Variants in TCF12 observed in about 807,000 individuals in gnomAD.
TCF12 encodes the protein transcription factor 12, also known as DNA-binding protein HTF4.
In TCF12, 45 loss-of-function variants were observed where a neutral mutation model predicts 86.0. The observed-to-expected ratio is 0.52, with a 90% CI of 0.41 to 0.67. The LOEUF is 0.67. Among genes scored for constraint, TCF12 ranks in the 30% least tolerant of loss-of-function variants. The pLI, the probability that TCF12 is intolerant of heterozygous loss-of-function variation, is 0.00. For synonymous variants in TCF12, 330 were observed against 299.6 expected (o/e 1.10, Z -1.05); for missense variants, 881 against 859.9 (o/e 1.02, Z -0.31).
chr15:57,084,112 C>A (rs1047876734), intron 4 of TCF12, among the ~76,000 whole-genome samples: 1 of 151,842 alleles, frequency 6.6e-6, no homozygotes, highest in Non-Finnish European at 1.5e-5. Flanking sequence ...TATATTGTAC[C>A]TTATGTTTGA....
intron 3 of TCF12, among the ~76,000 whole-genome samples, chr15:57,048,547 C>T (rs746034404): frequency 5.9e-5 from 9 of 152,116 alleles, no homozygotes; most frequent in Non-Finnish European, 1.0e-4. Flanking sequence ...AGGTGTGAGC[C>T]GCTGCACCCA....
At chr15:57,223,841 A>G (rs1027985178) in intron 8 of TCF12, among the ~76,000 whole-genome samples, 1 of 151,742 alleles carries the variant, frequency 6.6e-6, no homozygotes, top group Non-Finnish European at 1.5e-5. Flanking sequence ...AAGAATATAC[A>G]ATTAAATTAA....
At chr15:57,031,166 T>G (rs1034724532) in intron 3 of TCF12, among the ~76,000 whole-genome samples, 1 of 152,216 alleles carries the variant, frequency 6.6e-6, no homozygotes, top group Non-Finnish European at 1.5e-5. Flanking sequence ...TCTCTCTATA[T>G]TTTTCTGCCT....
At chr15:56,938,088 G>T (rs1230132039) in intron 3 of TCF12, among the ~76,000 whole-genome samples, 2 of 115,554 alleles carry the variant, frequency 1.7e-5, no homozygotes, top group African/African-American at 6.6e-5. Flanking sequence ...TTTTGTTACG[G>T]ATTTTTTGCA....
intron 3 of TCF12, among the ~76,000 whole-genome samples, chr15:57,023,351 C>T (rs1040591887): frequency 6.6e-6 from 1 of 152,058 alleles, no homozygotes; most frequent in African/African-American, 2.4e-5. Context: ...GTGGTATTTT[C>T]AGTTTTAAAA....
At chr15:57,282,251 C>G (rs1467459436) in intron 19 of TCF12, 194 bp from the exon 20 acceptor site, 2 of 631,970 alleles carry the variant, frequency 3.2e-6, no homozygotes, top group African/African-American at 3.7e-5. Context: ...GAAGAAAACA[C>G]AAGATGGTCA....
intron 3 of TCF12, among the ~76,000 whole-genome samples, chr15:56,977,810 G>T (rs1328938121): frequency 6.6e-6 from 1 of 152,122 alleles, no homozygotes; most frequent in Non-Finnish European, 1.5e-5. Flanking sequence ...CTTCTATAGA[G>T]CTTCTCAAAT....
chr15:57,284,834 T>G (rs559512772), intron 20 of TCF12, among the ~76,000 whole-genome samples: 1 of 152,394 alleles, frequency 6.6e-6, no homozygotes, highest in African/African-American at 2.4e-5. Flanking sequence ...GTGCTTTTAC[T>G]ACTTCTCTAT....
intron 3 of TCF12, among the ~76,000 whole-genome samples, chr15:57,058,790 A>T (rs1293489666): frequency 6.6e-6 from 1 of 152,192 alleles, no homozygotes; most frequent in Non-Finnish European, 1.5e-5. Flanking sequence ...ATTATATTCT[A>T]ACTGATCCTA....
rs1299724522 is a variant in TCF12, at chr15:57,048,023, T to A, written c.149-15727T>A. Among the ~76,000 whole-genome samples, 6 of 152,220 alleles carry A rather than the reference T, an allele frequency of 3.9e-5. No individual in the cohort carries two copies. In the East Asian group the frequency reaches 1.2e-3, roughly 29 times the overall value. ...AAGGTACAATAAAAATACAGTATTA[T>A]AATCTTCTGGGACCACTGTCATATA... On this transcript the variant is annotated intron_variant, in intron 3 of 20. Transcript: ENST00000333725.
intron 3 of TCF12, among the ~76,000 whole-genome samples, chr15:56,955,173 T>A (rs2061452089): frequency 2.0e-5 from 3 of 152,164 alleles, no homozygotes; most frequent in Admixed American, 2.0e-4. Context: ...AATGATAGAC[T>A]GGATTAAGAA....
At chr15:57,192,576 C>T (rs2057041513) in intron 7 of TCF12, among the ~76,000 whole-genome samples, 2 of 151,962 alleles carry the variant, frequency 1.3e-5, no homozygotes, top group Non-Finnish European at 2.9e-5. Context: ...TTTGTAGAGA[C>T]AGGGTTTTGC....
chr15:56,931,658 T>C lies in TCF12; in HGVS notation c.148+10560T>C, dbSNP rs141526697. On this transcript the variant is annotated intron_variant, in intron 3 of 20. Transcript: ENST00000333725. ...TTTCATAGATTAGTAGCATGATGCT[T>C]ATTCCTGAAATATACTCATTACAGG... Among the ~76,000 whole-genome samples the C allele has an allele frequency of 9.0e-4, 137 of 152,330 alleles. 2 individuals carry two copies. In the East Asian group the frequency reaches 0.015, roughly 17 times the overall value.
chr15:57,066,136 G>A (rs1417056789), intron 4 of TCF12, among the ~76,000 whole-genome samples: 1 of 152,064 alleles, frequency 6.6e-6, no homozygotes, highest in African/African-American at 2.4e-5. Flanking sequence ...GAACTTTATG[G>A]TTGTCTTTGA....
At chr15:57,276,951 C>T (rs930514299) in intron 19 of TCF12, among the ~76,000 whole-genome samples, 11 of 151,724 alleles carry the variant, frequency 7.3e-5, no homozygotes, top group African/African-American at 9.7e-5. Context: ...ATTACAGGCA[C>T]GCATCACCAT....
At chr15:57,209,502 A>C (rs999341320) in intron 8 of TCF12, among the ~76,000 whole-genome samples, 17 of 152,332 alleles carry the variant, frequency 1.1e-4, no homozygotes, top group African/African-American at 3.8e-4. Context: ...CATTGACATA[A>C]ATTTGAAACA....
chr15:57,273,189 A>G lies in TCF12; in HGVS notation c.1905A>G (p.Glu635=). Residue 635 remains glutamate, a synonymous_variant, in exon 19 of 21, where the codon GAA becomes GAG. Coordinates refer to ENST00000333725, the MANE Select transcript of TCF12 (RefSeq NM_207037.2). ...GRMCQLHLKS[E]KPQTKLLILH... ...TGTGTCAGCTTCACTTGAAGAGTGA[A>G]AAACCCCAAACAAAACTCCTTATTC... The G allele has an allele frequency of 6.2e-7, 1 of 1,614,226 alleles. No homozygotes were observed.
At chr15:57,252,339 A>G in intron 14 of TCF12, 82 bp from the exon 15 acceptor site, 2 of 977,016 alleles carry the variant, frequency 2.0e-6, no homozygotes, top group Non-Finnish European at 1.6e-6. Context: ...TTATGCTGAC[A>G]TGCATATCAG....
chr15:56,919,778 A>C, intron 1 of TCF12, 114 bp from the exon 2 acceptor site: 1 of 873,060 alleles, frequency 1.1e-6, no homozygotes, highest in Non-Finnish European at 1.7e-6. Flanking sequence ...GGGTCCTGGA[A>C]GTCATCCCGG....
Sources: allele counts gnomAD v4.1 joint callset (sites outside exome capture counted in the v4.1 genomes callset), GRCh38; gene constraint gnomAD v4.1.1; transcripts MANE v1.5; gene names NCBI Gene and HGNC (gene_info 2026-07-23, HGNC 2026-07-21).